Variants in CEP135 observed in about 807,000 individuals in gnomAD.
The protein encoded by CEP135 is centrosomal protein of 135 kDa.
In CEP135, 142 loss-of-function variants were observed where a neutral mutation model predicts 157.3. The observed-to-expected ratio is 0.90, with a 90% CI of 0.79 to 1.04. The LOEUF is 1.04. CEP135 is among the 50% of genes least tolerant of loss of function. CEP135 has a pLI of 0.00. For missense variants in CEP135, 1,317 were observed against 1,309.2 expected (o/e 1.01, Z -0.09); for synonymous variants, 396 against 439.8 (o/e 0.90, Z 1.25).
chr4:55,989,875 A>T (rs1045244720), intron 14 of CEP135, among the ~76,000 whole-genome samples: 2 of 152,234 alleles, frequency 1.3e-5, no homozygotes, highest in Non-Finnish European at 2.9e-5. Flanking sequence ...TATCTAGCAA[A>T]GGCATACCCT....
intron 21 of CEP135, among the ~76,000 whole-genome samples, chr4:56,016,714 C>T (rs528983019): frequency 1.3e-5 from 2 of 151,940 alleles, no homozygotes; most frequent in East Asian, 1.9e-4. Flanking sequence ...CTTGCACCAT[C>T]GGCCAGGCTG....
rs767034556 is a variant in CEP135, at chr4:55,991,982, G to A, written c.1906G>A (p.Glu636Lys). ...AAAGTCTAAAGTGTTAATAATGAAAGAAACAATAGAGTCGTTAGAGAACAA... is the reference window on the plus strand; with the variant it reads ...AAAGTCTAAAGTGTTAATAATGAAAAAAACAATAGAGTCGTTAGAGAACAA... ...ELKSKVLIMK[E>K]TIESLENKLK... is the part of the protein sequence containing the mutation. Residue 636 changes from glutamate (E) to lysine (K), a missense_variant, in exon 15 of 26, where the codon GAA (glutamate) becomes AAA (lysine). Physicochemically the swap from Glu to Lys is moderately conservative, Grantham distance 56. Transcript: ENST00000257287. 1.1e-5 allele frequency: 18 copies of A among 1,569,474 alleles called. No homozygotes were observed. Among genetic ancestry groups the A allele is most frequent in the Non-Finnish European group, 1.4e-5 (16 of 1,151,034 alleles).
chr4:55,998,163 G>A (rs1427726307), intron 15 of CEP135, among the ~76,000 whole-genome samples: 1 of 152,110 alleles, frequency 6.6e-6, no homozygotes, highest in Non-Finnish European at 1.5e-5. Context: ...TCTAAGCTAA[G>A]CTACCCTCAG....
intron 17 of CEP135, among the ~76,000 whole-genome samples, chr4:56,007,094 A>G (rs908400021): frequency 3.3e-5 from 5 of 151,906 alleles, no homozygotes; most frequent in Non-Finnish European, 7.4e-5. Context: ...GCATTTCACC[A>G]TGTTGGCCAG....
intron 17 of CEP135, among the ~76,000 whole-genome samples, chr4:56,007,364 A>T (rs1253547625): frequency 9.9e-5 from 15 of 152,142 alleles, no homozygotes; most frequent in Admixed American, 6.5e-5. Flanking sequence ...CCCATCTGGG[A>T]TGGGGGAGGT....
At chr4:56,030,314 G>A (rs753521338) in intron 25 of CEP135, among the ~76,000 whole-genome samples, 2 of 152,150 alleles carry the variant, frequency 1.3e-5, no homozygotes, top group Non-Finnish European at 2.9e-5. Flanking sequence ...TAAAAGCATA[G>A]CATAGTAAAT....
intron 13 of CEP135, 44 bp from the exon 14 acceptor site, chr4:55,985,234 TTTG>T: frequency 9.3e-7 from 1 of 1,076,900 alleles, no homozygotes; most frequent in South Asian, 1.4e-5. Flanking sequence ...GTGATTTTGT[TTTG>T]TTATCTGATA....
intron 8 of CEP135, 59 bp from the exon 9 acceptor site, chr4:55,969,004 A>C (rs893225427): frequency 2.8e-5 from 36 of 1,291,872 alleles, no homozygotes; most frequent in Non-Finnish European, 3.9e-5. Flanking sequence ...ATCTATTTGC[A>C]TATGACTTAA....
Position 55,954,727 on chromosome 4 carries a change from T to G in CEP135, c.472+344T>G, listed in dbSNP as rs542680841. ...CATACTCATTAAAGAATTTGGAAAT[T>G]ATGTACTTTCTTAGTTTATTTTACT... On this transcript the variant is annotated intron_variant, in intron 4 of 25. Coordinates refer to ENST00000257287, the MANE Select transcript of CEP135 (RefSeq NM_025009.5). Among the ~76,000 whole-genome samples, 11 of 152,300 alleles carry G rather than the reference T, an allele frequency of 7.2e-5. 1 individual carries two copies. The South Asian group carries it at 1.4e-3, about 20-fold the overall frequency.
intron 13 of CEP135, among the ~76,000 whole-genome samples, chr4:55,981,959 T>C (rs948340807): frequency 1.3e-5 from 2 of 152,180 alleles, no homozygotes; most frequent in Admixed American, 1.3e-4. Context: ...CAACTTATAC[T>C]GGGGTTACCT....
chr4:56,024,528 A>T lies in CEP135; in HGVS notation c.3348A>T (p.Arg1116=), dbSNP rs1019029665. ...AACGAGCAATCCAAGAGATGCGTCG[A>T]CATGGTCTTGCTACACCACCCCTTA... ...ERERAIQEMR[R]HGLATPPLSS... is the part of the protein sequence containing the mutation. Residue 1116 remains arginine, a synonymous_variant, in exon 25 of 26, where the codon CGA becomes CGT. Coordinates refer to ENST00000257287, the MANE Select transcript of CEP135 (RefSeq NM_025009.5). 12 of 1,613,798 alleles carry T rather than the reference A, an allele frequency of 7.4e-6. No homozygotes were observed. The African/African-American group carries it at 1.2e-4, about 16-fold the overall frequency.
In CEP135 at chr4:55,999,655, C is replaced by T. The variant is rs534671581; in HGVS notation, c.2280+10C>T. The T allele has an allele frequency of 5.1e-6, 8 of 1,577,736 alleles. No homozygotes were observed. The highest frequency in any genetic ancestry group is 2.2e-4 in the Middle Eastern group (1 of 4,464). ...AAACCTAGCTAATAAAGTATGTGAT[C>T]GTTTAATGTAATTTTCCAGCATCCA... On this transcript the variant is annotated intron_variant, in intron 17 of 25. Coordinates refer to ENST00000257287, the MANE Select transcript of CEP135 (RefSeq NM_025009.5).
chr4:55,950,073 AC>A (rs1353747512), intron 1 of CEP135, among the ~76,000 whole-genome samples: 2 of 151,760 alleles, frequency 1.3e-5, no homozygotes, highest in Non-Finnish European at 2.9e-5. Context: ...TTCCCTAAAA[AC>A]CCTGCATCAC....
At chr4:55,970,336 AGT>A (rs1219212258) in intron 9 of CEP135, among the ~76,000 whole-genome samples, 1 of 152,226 alleles carries the variant, frequency 6.6e-6, no homozygotes, top group Non-Finnish European at 1.5e-5. Flanking sequence ...TAGCAGAAAG[AGT>A]GTCTTGCTTA....
intron 5 of CEP135, among the ~76,000 whole-genome samples, chr4:55,959,408 T>A (rs1302323438): frequency 6.6e-6 from 1 of 152,152 alleles, no homozygotes; most frequent in Non-Finnish European, 1.5e-5. Flanking sequence ...CTCAAAGAAT[T>A]TTCCTGGGGA....
At chr4:55,952,024 C>T in intron 1 of CEP135, 62 bp from the exon 2 acceptor site, 1 of 544,576 alleles carries the variant, frequency 1.8e-6, no homozygotes, top group Non-Finnish European at 3.3e-6. Context: ...ATTTTTTCTT[C>T]TTATTGTGAA....
intron 6 of CEP135, 140 bp from the exon 7 acceptor site, chr4:55,964,134 A>G: frequency 1.4e-6 from 1 of 690,574 alleles, no homozygotes; most frequent in African/African-American, 1.8e-5. Flanking sequence ...TATGCATATA[A>G]TATATGGACA....
chr4:56,017,783 C>A lies in CEP135; in HGVS notation c.2938C>A (p.Leu980Ile), dbSNP rs373944359. Residue 980 changes from leucine (L) to isoleucine (I), a missense_variant, in exon 22 of 26, where the codon CTT (leucine) becomes ATT (isoleucine). Leu to Ile is a conservative substitution (Grantham distance 5). Transcript: ENST00000257287. ...AAATGACTTGTCATCTCTTAGAGAA[C>A]TTTGCATTAAACTTGATTCAGGCAA... ...VLNDLSSLRE[L>I]CIKLDSGKDI... 4.4e-5 allele frequency: 71 copies of A among 1,613,782 alleles called. No homozygotes were observed. Among genetic ancestry groups the A allele is most frequent in the Non-Finnish European group, 5.5e-5 (65 of 1,180,006 alleles).
At position 55,965,627 on chromosome 4, in the gene CEP135, T is replaced by C; in HGVS notation, c.829-17T>C. 6.3e-7 allele frequency: 1 copy of C among 1,577,570 alleles called. No homozygotes were observed. Among genetic ancestry groups the C allele is most frequent in the Non-Finnish European group, 8.6e-7 (1 of 1,161,618 alleles). ...TTTTCCAATTCATATACCTCATAAA[T>C]TACAACTCCAATTTAGGTTGACTTT... is the stretch of plus-strand genomic sequence containing the variant. On this transcript the variant is annotated splice_polypyrimidine_tract_variant and intron_variant, in intron 7 of 25. Transcript: ENST00000257287.
Sources: gnomAD v4.1 joint callset for allele counts (sites outside exome capture counted in the v4.1 genomes callset) on GRCh38, gnomAD v4.1.1 for gene constraint, MANE v1.5 for transcripts, NCBI Gene and HGNC (gene_info 2026-07-23, HGNC 2026-07-21) for gene names.